Variants in SLC9C1 observed in about 807,000 individuals in gnomAD.
SLC9C1 encodes sodium/hydrogen exchanger 10.
Under a neutral mutation model 140.9 loss-of-function variants are expected in SLC9C1, and 97 were observed. The observed-to-expected ratio is 0.69, with a 90% confidence interval of 0.58 to 0.82. SLC9C1 has a LOEUF of 0.82. Ranked by LOEUF, SLC9C1 falls within the 40% of genes least tolerant of loss-of-function variation. SLC9C1 has a pLI of 0.00. For missense variants in SLC9C1, 1,340 were observed against 1,389.3 expected (o/e 0.96, Z 0.56); for synonymous variants, 440 against 442.6 (o/e 0.99, Z 0.07).
chr3:112,210,884 A>G (rs2078183966), intron 15 of SLC9C1, among the ~76,000 whole-genome samples: 1 of 152,158 alleles, frequency 6.6e-6, no homozygotes, highest in African/African-American at 2.4e-5. Flanking sequence ...TTTTTTAAAA[A>G]TAAAAAATTA....
rs568045985 is a variant in SLC9C1, at chr3:112,195,307, G to A, written c.2523+4014C>T. Among the ~76,000 whole-genome samples the A allele has an allele frequency of 8.1e-4, 123 of 152,218 alleles. 1 individual carries two copies. In the South Asian group the frequency reaches 0.025, roughly 31 times the overall value. On this transcript the variant is annotated intron_variant, in intron 20 of 28. Transcript: ENST00000305815. Reference sequence around the variant, plus strand: ...TTTTGAGGTATTTTTTGTATATGATGTTAGTTAAGGGTCCAACTTTATTCT... The same window carrying A: ...TTTTGAGGTATTTTTTGTATATGATATTAGTTAAGGGTCCAACTTTATTCT...
chr3:112,266,322 G>C lies in SLC9C1; in HGVS notation c.794C>G (p.Ser265Ter), dbSNP rs540118464. The C allele has an allele frequency of 6.2e-7, 1 of 1,606,920 alleles. No individual in the cohort carries two copies. Among genetic ancestry groups the C allele is most frequent in the Admixed American group, 1.7e-5 (1 of 59,406 alleles). The part of the protein sequence containing the change: ...IFYICELVGM[S>*]GIFTLAIVGL... ...CACAATGGCCAGAGTAAATATTCCTGACATTCCAACTAACTCACCTATTTT... is the reference window on the plus strand; with the variant it reads ...CACAATGGCCAGAGTAAATATTCCTCACATTCCAACTAACTCACCTATTTT... Residue 265 changes from serine (S) to a stop codon, truncating the protein, a stop_gained, in exon 8 of 29, where the codon TCA becomes TGA. Transcript: ENST00000305815. LOFTEE classifies it high-confidence loss of function.
chr3:112,275,062 GA>G (rs1325160866), intron 5 of SLC9C1, 37 bp from the exon 6 acceptor site: 1 of 1,525,014 alleles, frequency 6.6e-7, no homozygotes, highest in Non-Finnish European at 8.7e-7. Context: ...TTTTTAAAGT[GA>G]GAAAAACATT....
At position 112,263,036 on chromosome 3, in the gene SLC9C1, C is replaced by T. The variant is rs774903543; in HGVS notation, c.1085G>A (p.Arg362His). The change falls in exon 10 of 29, where the codon CGC (arginine) becomes CAC (histidine). Residue 362 changes from arginine to histidine, a missense_variant. By Grantham distance (29) the Arg-to-His change is conservative. Transcript: ENST00000305815. ...LSRVGHEFSW[R>H]WIFIMVCSEM... ...ACTACAGACCATTATGAATATCCAG[C>T]GCCAACTGAACTCATGACCAACTCG... 4.4e-6 allele frequency: 7 copies of T among 1,602,044 alleles called. No homozygotes were observed. The highest frequency in any genetic ancestry group is 4.0e-5 in the African/African-American group (3 of 74,166).
intron 15 of SLC9C1, among the ~76,000 whole-genome samples, chr3:112,210,557 G>A (rs1217222905): frequency 3.3e-5 from 5 of 152,192 alleles, no homozygotes; most frequent in African/African-American, 1.2e-4. Flanking sequence ...AATGGGGAAT[G>A]ACTGCTTAAT....
chr3:112,181,010 C>A (rs1190635544), intron 21 of SLC9C1, among the ~76,000 whole-genome samples: 1 of 152,200 alleles, frequency 6.6e-6, no homozygotes, highest in Non-Finnish European at 1.5e-5. Flanking sequence ...CCCACCTTGG[C>A]CTTCCAAAGT....
chr3:112,177,419 A>G (rs2077360614), intron 23 of SLC9C1, among the ~76,000 whole-genome samples: 2 of 151,836 alleles, frequency 1.3e-5, no homozygotes, highest in Admixed American at 1.3e-4. Context: ...ACCACCACAC[A>G]GGCTACTTGG....
intron 28 of SLC9C1, among the ~76,000 whole-genome samples, chr3:112,148,450 T>C (rs2074866666): frequency 1.3e-5 from 2 of 152,310 alleles, no homozygotes; most frequent in Admixed American, 1.3e-4. Context: ...TTTAATAATA[T>C]TATTATTTGT....
chr3:112,151,157 T>A (rs1466189848), intron 28 of SLC9C1, among the ~76,000 whole-genome samples: 1 of 152,178 alleles, frequency 6.6e-6, no homozygotes, highest in Non-Finnish European at 1.5e-5. Flanking sequence ...ATTTTTAAAA[T>A]GGAGATAAAC....
At chr3:112,253,418 G>A (rs1210554246) in intron 10 of SLC9C1, among the ~76,000 whole-genome samples, 1 of 152,122 alleles carries the variant, frequency 6.6e-6, no homozygotes, top group Non-Finnish European at 1.5e-5. Context: ...GGAAATGTAG[G>A]GGAGCCATGT....
At position 112,260,009 on chromosome 3, in the gene SLC9C1, G is replaced by A. The variant is rs115905317; in HGVS notation, c.1197+2915C>T. 9.7e-3 allele frequency among the ~76,000 whole-genome samples: 1,476 copies of A among 152,052 alleles called. 10 individuals are homozygous for A. Among genetic ancestry groups the A allele is most frequent in the Non-Finnish European group, 0.017 (1,125 of 67,964 alleles). On this transcript the variant is annotated intron_variant, in intron 10 of 28. Transcript: ENST00000305815. ...ATATAATTTCCATAAATATCAATTG[G>A]ATCCTATTTGTCAATGATGATTTCA... is the stretch of plus-strand genomic sequence containing the variant.
At chr3:112,250,214 C>G (rs2079413607) in intron 10 of SLC9C1, among the ~76,000 whole-genome samples, 1 of 152,026 alleles carries the variant, frequency 6.6e-6, no homozygotes, top group African/African-American at 2.4e-5. Flanking sequence ...TTTCCAGCTT[C>G]ATCCATGTCC....
intron 28 of SLC9C1, among the ~76,000 whole-genome samples, chr3:112,142,052 A>AGTGC: frequency 6.6e-6 from 1 of 152,186 alleles, no homozygotes; most frequent in Non-Finnish European, 1.5e-5. Context: ...CGTTTTGTAC[A>AGTGC]CATTTACTGT....
At chr3:112,199,275 T>A in intron 20 of SLC9C1, 46 bp downstream of exon 20, 2 of 1,428,504 alleles carry the variant, frequency 1.4e-6, no homozygotes, top group Non-Finnish European at 1.9e-6. Context: ...TCATGAATGA[T>A]TATGTATCAA....
chr3:112,243,925 A>T (rs1182530325), intron 11 of SLC9C1, 70 bp downstream of exon 11: 1 of 1,102,846 alleles, frequency 9.1e-7, no homozygotes, highest in Non-Finnish European at 1.3e-6. Flanking sequence ...TTCTTTCTTT[A>T]TTATTAGCAC....
At chr3:112,290,814 C>CTTTTTTTTTT (rs11412854) in intron 1 of SLC9C1, among the ~76,000 whole-genome samples, 2 of 137,956 alleles carry the variant, frequency 1.4e-5, no homozygotes, top group Non-Finnish European at 1.5e-5. Flanking sequence ...TCTTTTCCTT[C>CTTTTTTTTTT]TTTTTTTTTT....
rs1490368725 is a variant in SLC9C1, at chr3:112,180,649, A to C, written c.2663T>G (p.Val888Gly). The C allele has an allele frequency of 2.5e-6, 4 of 1,612,774 alleles. No individual in the cohort carries two copies. Among genetic ancestry groups the C allele is most frequent in the Non-Finnish European group, 3.4e-6 (4 of 1,179,312 alleles). Reference sequence around the variant, plus strand: ...ATCATTTCCACAATCAAATGTTACAACTTTGGCTTTTTCCTAAAAGATACC... The same window carrying C: ...ATCATTTCCACAATCAAATGTTACACCTTTGGCTTTTTCCTAAAAGATACC... ...YINFIQEKAKVVTFDCGNDIF... is the reference protein window; with the variant it reads ...YINFIQEKAKGVTFDCGNDIF... The change falls in exon 22 of 29, where the codon GTT becomes GGT. Residue 888 changes from valine to glycine, a missense_variant. Val to Gly is a moderately radical substitution (Grantham distance 109). Coordinates refer to ENST00000305815, the MANE Select transcript of SLC9C1 (RefSeq NM_183061.3).
chr3:112,167,322 T>G lies in SLC9C1; in HGVS notation c.3263A>C (p.Lys1088Thr). 1 of 1,603,036 alleles carries G rather than the reference T, an allele frequency of 6.2e-7. No homozygotes were observed. Residue 1088 changes from lysine to threonine, a missense_variant, in exon 26 of 29, where the codon AAA (lysine) becomes ACA (threonine). Lys to Thr is a moderately conservative substitution (Grantham distance 78). Transcript: ENST00000305815. Reference sequence around the variant, plus strand: ...AATCGGAGTTTGAATAATCACTACTTTTGTGAAATCTTCAATACTTTGTAT... The same window carrying G: ...AATCGGAGTTTGAATAATCACTACTGTTGTGAAATCTTCAATACTTTGTAT... ...HQIQSIEDFT[K>T]VVIIQTPINM...
chr3:112,286,438 T>C (rs112934497), intron 2 of SLC9C1, among the ~76,000 whole-genome samples: 1 of 152,216 alleles, frequency 6.6e-6, no homozygotes, highest in Non-Finnish European at 1.5e-5. Flanking sequence ...TCTCCTTCAT[T>C]GAAATCTGAC....
Sources: gnomAD v4.1 joint callset for allele counts (sites outside exome capture counted in the v4.1 genomes callset) on GRCh38, gnomAD v4.1.1 for gene constraint, MANE v1.5 for transcripts, NCBI Gene and HGNC (gene_info 2026-07-23, HGNC 2026-07-21) for gene names.